UBE2E3: variants seen among roughly 807,000 people sequenced by gnomAD.
The protein encoded by UBE2E3 is ubiquitin-conjugating enzyme E2 E3.
Under a neutral mutation model 23.6 loss-of-function variants are expected in UBE2E3, and 5 were observed. That is an observed-to-expected ratio of 0.21 (90% CI 0.11 to 0.44). The LOEUF is 0.44. UBE2E3 is among the 20% of genes least tolerant of loss of function. The probability of loss-of-function intolerance (pLI) is 0.99; values close to 1 mark genes in which losing one functional copy is unlikely to be tolerated. For missense variants in UBE2E3, 81 were observed against 249.8 expected (o/e 0.32, Z 4.55); for synonymous variants, 78 against 87.5 (o/e 0.89, Z 0.60).
At chr2:181,020,946 T>C (rs1685651284) in intron 3 of UBE2E3, among the ~76,000 whole-genome samples, 3 of 152,182 alleles carry the variant, frequency 2.0e-5, no homozygotes, top group Non-Finnish European at 2.9e-5. Flanking sequence ...GGGGAATTTT[T>C]ATCCTTCCTG....
chr2:181,004,097 T>C (rs1685068360), intron 3 of UBE2E3, among the ~76,000 whole-genome samples: 1 of 148,804 alleles, frequency 6.7e-6, no homozygotes, highest in Admixed American at 6.7e-5. Context: ...AGTTAAGAAA[T>C]ATCTAATACT....
At chr2:181,028,255 T>G (rs1426982605) in intron 3 of UBE2E3, among the ~76,000 whole-genome samples, 1 of 152,106 alleles carries the variant, frequency 6.6e-6, no homozygotes, top group African/African-American at 2.4e-5. Context: ...ATAGTTAAAT[T>G]TCATGCTGTA....
At chr2:181,027,724 A>G (rs1419925925) in intron 3 of UBE2E3, among the ~76,000 whole-genome samples, 2 of 151,974 alleles carry the variant, frequency 1.3e-5, no homozygotes, top group Non-Finnish European at 2.9e-5. Context: ...GTCGTTTTTA[A>G]AATCAAGTAT....
rs1266790877 is a variant in UBE2E3, at chr2:180,997,210, CTTA to C, written c.245+13122_245+13124del. 4.6e-5 allele frequency among the ~76,000 whole-genome samples: 7 copies of C among 151,624 alleles called. No individual in the cohort carries two copies. In the South Asian group the frequency reaches 1.2e-3, roughly 27 times the overall value. On this transcript the variant is annotated intron_variant, in intron 3 of 5. Transcript: ENST00000410062. ...CATTTAATTCTTTCATCTTTTTCTA[CTTA>C]TTATCCACTATCCAGCTTCCCATTT...
At chr2:181,031,020 TG>T (rs908375139) in intron 3 of UBE2E3, among the ~76,000 whole-genome samples, 2 of 152,202 alleles carry the variant, frequency 1.3e-5, no homozygotes, top group African/African-American at 4.8e-5. Context: ...CTGTTCTTTT[TG>T]TAATTTTTTA....
chr2:181,013,574 G>A (rs1415695964), intron 3 of UBE2E3, among the ~76,000 whole-genome samples: 3 of 151,398 alleles, frequency 2.0e-5, no homozygotes, highest in Admixed American at 2.0e-4. Flanking sequence ...TAGAGTAAGT[G>A]ACCTGAGGGA....
At chr2:181,054,326 C>T (rs1686927842) in intron 3 of UBE2E3, among the ~76,000 whole-genome samples, 1 of 151,782 alleles carries the variant, frequency 6.6e-6, no homozygotes, top group African/African-American at 2.4e-5. Flanking sequence ...AGATATTTTG[C>T]ATTTCCTGTA....
intron 3 of UBE2E3, among the ~76,000 whole-genome samples, chr2:181,031,500 A>C (rs1451147448): frequency 6.6e-6 from 1 of 151,658 alleles, no homozygotes; most frequent in Non-Finnish European, 1.5e-5. Flanking sequence ...GTACCACATT[A>C]CTCTGTGTGT....
At chr2:181,052,270 G>A (rs1686865079) in intron 3 of UBE2E3, among the ~76,000 whole-genome samples, 1 of 151,838 alleles carries the variant, frequency 6.6e-6, no homozygotes, top group African/African-American at 2.4e-5. Context: ...CTTTGCAGGG[G>A]TGTCCAGGGG....
intron 3 of UBE2E3, among the ~76,000 whole-genome samples, chr2:180,997,778 C>G (rs1684870862): frequency 6.6e-6 from 1 of 152,088 alleles, no homozygotes; most frequent in African/African-American, 2.4e-5. Context: ...GATTCTGCAT[C>G]TTTGTTTACA....
chr2:180,987,359 A>T, intron 3 of UBE2E3: 1 of 1,550,082 alleles, frequency 6.5e-7, no homozygotes, highest in Non-Finnish European at 8.7e-7. Flanking sequence ...GTCCTCTCCT[A>T]GTCACCACTT....
chr2:181,033,993 G>A (rs1009117791), intron 3 of UBE2E3, among the ~76,000 whole-genome samples: 3 of 152,146 alleles, frequency 2.0e-5, no homozygotes, highest in African/African-American at 7.2e-5. Context: ...TCTCACACCA[G>A]TTAGAATGGC....
At chr2:180,989,575 A>G (rs1327520106) in intron 3 of UBE2E3, among the ~76,000 whole-genome samples, 1 of 152,182 alleles carries the variant, frequency 6.6e-6, no homozygotes, top group African/African-American at 2.4e-5. Flanking sequence ...TATTTCCTCC[A>G]TACGTGCCAG....
intron 3 of UBE2E3, 124 bp downstream of exon 3, chr2:180,984,217 A>G (rs1355265351): frequency 7.2e-6 from 5 of 698,702 alleles, no homozygotes; most frequent in East Asian, 2.9e-5. Context: ...TTGCAAGTGC[A>G]TTAAACAAAA....
At position 181,041,234 on chromosome 2, in the gene UBE2E3, C is replaced by CAAAAAAAAAAAAAAAAAA. The variant is rs1206207155; in HGVS notation, c.246-16457_246-16440dup. 5.4e-3 allele frequency among the ~76,000 whole-genome samples: 418 copies of CAAAAAAAAAAAAAAAAAA among 77,074 alleles called. 50 individuals are homozygous for CAAAAAAAAAAAAAAAAAA. Among genetic ancestry groups the CAAAAAAAAAAAAAAAAAA allele is most frequent in the Non-Finnish European group, 7.4e-3 (311 of 41,916 alleles). 50.6% of individuals were successfully genotyped at this position (77,074 alleles called of 152,430 possible). On this transcript the variant is annotated intron_variant, in intron 3 of 5. Coordinates refer to ENST00000410062, the MANE Select transcript of UBE2E3 (RefSeq NM_006357.4). The stretch of plus-strand genomic sequence containing the variant: ...CTAACGACAGAGCAAGACTCCGTCT[C>CAAAAAAAAAAAAAAAAAA]AAAAAAAAAAAAAAAAAAAGATAGA...
rs1389803820 is a variant in UBE2E3, at chr2:181,022,758, G to A, written c.246-34935G>A. Among the ~76,000 whole-genome samples, 3 of 151,982 alleles carry A rather than the reference G, an allele frequency of 2.0e-5. No individual in the cohort carries two copies. In the East Asian group the frequency reaches 5.8e-4, roughly 29 times the overall value. On this transcript the variant is annotated intron_variant, in intron 3 of 5. Transcript: ENST00000410062. ...AAAAAACAAAAAAAAAACCCCACAGGTTTACAGAAAGAGAGCTGAAACAGA... is the reference window on the plus strand; with the variant it reads ...AAAAAACAAAAAAAAAACCCCACAGATTTACAGAAAGAGAGCTGAAACAGA...
At chr2:181,047,612 G>C (rs1205617310) in intron 3 of UBE2E3, among the ~76,000 whole-genome samples, 2 of 151,904 alleles carry the variant, frequency 1.3e-5, no homozygotes, top group African/African-American at 4.8e-5. Context: ...ATTTCAAAAC[G>C]TAAGTCTGGT....
At chr2:181,033,731 G>C (rs1686166339) in intron 3 of UBE2E3, among the ~76,000 whole-genome samples, 2 of 152,142 alleles carry the variant, frequency 1.3e-5, no homozygotes, top group Non-Finnish European at 2.9e-5. Flanking sequence ...ACTACCATCA[G>C]AGTGAACAGG....
At chr2:181,004,274 A>G (rs1685074592) in intron 3 of UBE2E3, among the ~76,000 whole-genome samples, 2 of 152,194 alleles carry the variant, frequency 1.3e-5, no homozygotes, top group Non-Finnish European at 2.9e-5. Flanking sequence ...GTAAAACTTG[A>G]TAACATAATG....
Sources: allele counts gnomAD v4.1 joint callset (sites outside exome capture counted in the v4.1 genomes callset), GRCh38; gene constraint gnomAD v4.1.1; transcripts MANE v1.5; gene names NCBI Gene and HGNC (gene_info 2026-07-23, HGNC 2026-07-21).